RBFOX1: variants seen among roughly 807,000 people sequenced by gnomAD.
The protein encoded by RBFOX1 is RNA binding fox-1 homolog 1.
RBFOX1 carries 8 observed loss-of-function variants against 57.7 expected under a neutral mutation model. That is an observed-to-expected ratio of 0.14 (90% CI 0.08 to 0.25). The LOEUF (loss-of-function observed/expected upper bound fraction) is 0.25, where lower values mean the gene tolerates loss of function less well. Ranked by LOEUF, RBFOX1 falls within the 10% of genes least tolerant of loss-of-function variation. RBFOX1 has a pLI of 1.00. For synonymous variants in RBFOX1, 326 were observed against 222.4 expected (o/e 1.47, Z -4.15); for missense variants, 611 against 548.5 (o/e 1.11, Z -1.14).
intron 1 of RBFOX1, among the ~76,000 whole-genome samples, chr16:5,272,963 G>C (rs547721652): frequency 1.3e-5 from 2 of 152,296 alleles, no homozygotes; most frequent in African/African-American, 2.4e-5. Context: ...ATGTTACTTT[G>C]TTTTTCCCTA....
intron 4 of RBFOX1, among the ~76,000 whole-genome samples, chr16:5,957,860 T>C (rs982180894): frequency 1.3e-5 from 2 of 152,152 alleles, no homozygotes; most frequent in African/African-American, 4.8e-5. Flanking sequence ...GTACAATTAA[T>C]TTATTATTAA....
chr16:5,523,253 A>C (rs1417934521), intron 2 of RBFOX1, among the ~76,000 whole-genome samples: 1 of 151,728 alleles, frequency 6.6e-6, no homozygotes, highest in Non-Finnish European at 1.5e-5. Flanking sequence ...GCCATGGCAC[A>C]CCAGCCTGGG....
At chr16:5,326,790 C>G (rs1372812443) in intron 1 of RBFOX1, among the ~76,000 whole-genome samples, 1 of 152,188 alleles carries the variant, frequency 6.6e-6, no homozygotes, top group African/African-American at 2.4e-5. Flanking sequence ...ATCAGAAAGC[C>G]TTCTGCCTGC....
At chr16:6,223,356 G>A (rs1256116887) in intron 1 of RBFOX1, among the ~76,000 whole-genome samples, 2 of 149,022 alleles carry the variant, frequency 1.3e-5, no homozygotes, top group African/African-American at 4.9e-5. Context: ...ATCCTCTCCA[G>A]CACCTGTTGT....
At chr16:7,004,830 C>T (rs925440400) in intron 3 of RBFOX1, among the ~76,000 whole-genome samples, 10 of 152,100 alleles carry the variant, frequency 6.6e-5, no homozygotes, top group African/African-American at 2.2e-4. Flanking sequence ...GCTGTTGGAA[C>T]CTGTTGGGAC....
intron 3 of RBFOX1, among the ~76,000 whole-genome samples, chr16:7,024,107 T>G (rs553977200): frequency 6.6e-6 from 1 of 152,168 alleles, no homozygotes; most frequent in Non-Finnish European, 1.5e-5. Flanking sequence ...AGAATATACT[T>G]GTGATGCATT....
chr16:6,766,448 C>G (rs1235177276), intron 3 of RBFOX1, among the ~76,000 whole-genome samples: 1 of 152,020 alleles, frequency 6.6e-6, no homozygotes, highest in Admixed American at 6.6e-5. Context: ...TTTTCTAGTA[C>G]AGTCACATGC....
intron 3 of RBFOX1, chr16:5,616,324 C>T (rs2048023166): frequency 6.6e-6 from 1 of 152,298 alleles, no homozygotes; most frequent in Non-Finnish European, 1.5e-5. Flanking sequence ...AGCTGTCACT[C>T]CGGACACCGC....
chr16:6,326,504 C>T (rs2082388059), intron 2 of RBFOX1, among the ~76,000 whole-genome samples: 1 of 151,990 alleles, frequency 6.6e-6, no homozygotes, highest in South Asian at 2.1e-4. Flanking sequence ...TTGTCCCAGC[C>T]CAGGTTTTCT....
intron 1 of RBFOX1, among the ~76,000 whole-genome samples, chr16:6,309,801 C>T (rs2080015686): frequency 6.6e-6 from 1 of 152,152 alleles, no homozygotes; most frequent in Admixed American, 6.5e-5. Context: ...TGGGCAAATG[C>T]AGCCAAATTA....
chr16:7,247,090 A>T (rs1193677587), intron 4 of RBFOX1, among the ~76,000 whole-genome samples: 1 of 152,160 alleles, frequency 6.6e-6, no homozygotes, highest in East Asian at 1.9e-4. Flanking sequence ...GGCTGCACTC[A>T]GTCATGTGTC....
intron 5 of RBFOX1, among the ~76,000 whole-genome samples, chr16:7,550,762 G>A (rs1208836721): frequency 6.6e-6 from 1 of 151,992 alleles, no homozygotes; most frequent in Non-Finnish European, 1.5e-5. Flanking sequence ...AAAATCCTCA[G>A]TATCCACAAT....
intron 4 of RBFOX1, among the ~76,000 whole-genome samples, chr16:7,213,924 A>C (rs542671715): frequency 7.1e-6 from 1 of 140,314 alleles, no homozygotes; most frequent in African/African-American, 2.8e-5. Flanking sequence ...AGGAACTCTG[A>C]AGTGGTGGGT....
intron 11 of RBFOX1, among the ~76,000 whole-genome samples, chr16:7,635,353 C>T (rs939093725): frequency 2.6e-5 from 4 of 152,178 alleles, no homozygotes; most frequent in African/African-American, 9.7e-5. Flanking sequence ...TTGTTTTCTT[C>T]AGGATTTTAT....
rs370173535 is a variant in RBFOX1, at chr16:6,450,855, A to G, written c.-64+133798A>G. Among the ~76,000 whole-genome samples the G allele has an allele frequency of 9.9e-3, 466 of 46,856 alleles. 109 individuals are homozygous for G. Among genetic ancestry groups the G allele is most frequent in the African/African-American group, 0.025 (281 of 11,340 alleles). 30.7% of individuals were successfully genotyped at this position (46,856 alleles called of 152,430 possible). A position where few individuals can be genotyped will look rare whatever the true frequency, so the allele number is the denominator to read the frequency against. On this transcript the variant is annotated intron_variant, in intron 2 of 15. Coordinates refer to ENST00000550418, the MANE Select transcript of RBFOX1 (RefSeq NM_018723.4). ...TATATATGTGTATATATATATATAT[A>G]TATATATATATATATATATCTCCTC...
chr16:7,155,712 A>AAAAAATATAT (rs1195367029), intron 4 of RBFOX1, among the ~76,000 whole-genome samples: 1 of 77,420 alleles, frequency 1.3e-5, no homozygotes, highest in African/African-American at 6.7e-5. Context: ...AAAAAAAAAA[A>AAAAAATATAT]ATATATATAT....
At chr16:7,676,281 G>A (rs2073240407) in intron 13 of RBFOX1, among the ~76,000 whole-genome samples, 1 of 152,170 alleles carries the variant, frequency 6.6e-6, no homozygotes, top group South Asian at 2.1e-4. Context: ...AGATAGGTAA[G>A]AGATTACTAA....
At chr16:7,398,710 G>A (rs1233594529) in intron 4 of RBFOX1, among the ~76,000 whole-genome samples, 2 of 152,282 alleles carry the variant, frequency 1.3e-5, no homozygotes, top group East Asian at 1.9e-4. Context: ...TTCCGTAGTC[G>A]GGGCATGTGC....
intron 4 of RBFOX1, among the ~76,000 whole-genome samples, chr16:5,870,064 C>A (rs186185787): frequency 1.4e-3 from 216 of 151,134 alleles, no homozygotes; most frequent in African/African-American, 5.1e-3. Context: ...AGAAAAATAT[C>A]AGAACAAAAG....
Sources: gnomAD v4.1 joint callset for allele counts (sites outside exome capture counted in the v4.1 genomes callset) on GRCh38, gnomAD v4.1.1 for gene constraint, MANE v1.5 for transcripts, NCBI Gene and HGNC (gene_info 2026-07-23, HGNC 2026-07-21) for gene names.